The following KDM2A variants were observed in gnomAD, a reference collection of about 807,000 sequenced individuals.
The protein encoded by KDM2A is lysine demethylase 2A, also known as lysine-specific demethylase 2A.
KDM2A carries 3 observed loss-of-function variants against 137.3 expected under a neutral mutation model. The ratio of observed to expected loss-of-function variants is 0.02; its 90% confidence interval spans 0.01 to 0.06. KDM2A has a LOEUF of 0.06. Among genes scored for constraint, KDM2A ranks in the 10% least tolerant of loss-of-function variants. The pLI is 1.00. For synonymous variants in KDM2A, 512 were observed against 541.5 expected, an observed-to-expected ratio of 0.95 and a Z score of 0.76; for missense variants, 738 against 1,510.6, an observed-to-expected ratio of 0.49 and a Z score of 8.48.
chr11:67,210,767 A>G (rs1037146521), intron 6 of KDM2A, among the ~76,000 whole-genome samples: 1 of 152,216 alleles, frequency 6.6e-6, no homozygotes, highest in South Asian at 2.1e-4. Context: ...TTGATAGAAT[A>G]AGATAGAAGA....
intron 5 of KDM2A, among the ~76,000 whole-genome samples, chr11:67,206,943 C>T (rs1857823320): frequency 6.6e-6 from 1 of 152,116 alleles, no homozygotes; most frequent in South Asian, 2.1e-4. Flanking sequence ...GGACTTTGTT[C>T]TTCATGAACT....
intron 5 of KDM2A, among the ~76,000 whole-genome samples, chr11:67,195,253 C>T (rs906745731): frequency 1.3e-5 from 2 of 150,840 alleles, no homozygotes; most frequent in Non-Finnish European, 2.9e-5. Flanking sequence ...CCTATAGTCC[C>T]AGCTACCCGA....
At chr11:67,199,343 A>C (rs1857562184) in intron 5 of KDM2A, among the ~76,000 whole-genome samples, 1 of 152,218 alleles carries the variant, frequency 6.6e-6, no homozygotes, top group Non-Finnish European at 1.5e-5. Flanking sequence ...AAAGTTAGAA[A>C]TGATTAAGTT....
intron 2 of KDM2A, among the ~76,000 whole-genome samples, chr11:67,153,801 G>C (rs1856451501): frequency 6.8e-6 from 1 of 146,092 alleles, no homozygotes; most frequent in Non-Finnish European, 1.5e-5. Flanking sequence ...GAGTAACAGT[G>C]AGACCCTGTC....
rs1859164437 is a variant in KDM2A at position 67,245,072 on chromosome 11, G to A, written c.1564-117G>A. 2.9e-6 allele frequency: 3 copies of A among 1,048,880 alleles called. No homozygotes were observed. Among genetic ancestry groups the A allele is most frequent in the Non-Finnish European group, 4.2e-6 (3 of 715,370 alleles). 65.0% of individuals were successfully genotyped at this position (1,048,880 alleles called of 1,614,324 possible). On this transcript the variant is annotated intron_variant, in intron 13 of 20. Coordinates refer to ENST00000529006, the MANE Select transcript of KDM2A (RefSeq NM_012308.3). The surrounding 1 kb of genome is among the most constrained non-coding windows in gnomAD (Gnocchi z 4.1). Reference sequence around the variant, plus strand: ...AAATTTATTCTAGAAACAAGCAGTGGGCAGATCTGGCCATAGTGGGCCAAG... The same window carrying A: ...AAATTTATTCTAGAAACAAGCAGTGAGCAGATCTGGCCATAGTGGGCCAAG...
At chr11:67,137,792 G>A (rs990963986) in intron 2 of KDM2A, among the ~76,000 whole-genome samples, 1 of 152,070 alleles carries the variant, frequency 6.6e-6, no homozygotes, top group Non-Finnish European at 1.5e-5. Flanking sequence ...AGGACTTACT[G>A]GCATATGATT....
chr11:67,256,437 C>T lies in KDM2A; in HGVS notation c.*1382C>T, dbSNP rs926087853. 1 of 152,572 alleles carries T rather than the reference C, an allele frequency of 6.6e-6. No homozygotes were observed. The highest frequency in any genetic ancestry group is 2.1e-4 in the South Asian group (1 of 4,830). 9.5% of individuals were successfully genotyped at this position (152,572 alleles called of 1,614,324 possible). ...TGAGGAGATGCTCAGTAGCAGCAGCCTATGGCAAGAGCTTATAAATGATTG... is the reference window on the plus strand; with the variant it reads ...TGAGGAGATGCTCAGTAGCAGCAGCTTATGGCAAGAGCTTATAAATGATTG... On this transcript the variant is annotated 3_prime_UTR_variant, in exon 21 of 21. Coordinates refer to ENST00000529006, the MANE Select transcript of KDM2A (RefSeq NM_012308.3).
intron 2 of KDM2A, among the ~76,000 whole-genome samples, chr11:67,178,039 GC>G (rs1196886169): frequency 1.3e-5 from 2 of 152,298 alleles, no homozygotes; most frequent in East Asian, 3.9e-4. Flanking sequence ...AGGTAAACTT[GC>G]AGTATAAGCA....
At chr11:67,142,278 C>T (rs1270300268) in intron 2 of KDM2A, among the ~76,000 whole-genome samples, 2 of 151,612 alleles carry the variant, frequency 1.3e-5, no homozygotes, top group African/African-American at 4.8e-5. Context: ...CTCAGGTGAT[C>T]CACCCGCCTT....
At chr11:67,194,114 C>T (rs1857424496) in intron 5 of KDM2A, among the ~76,000 whole-genome samples, 1 of 152,192 alleles carries the variant, frequency 6.6e-6, no homozygotes, top group Non-Finnish European at 1.5e-5. Context: ...ATTATTTCAG[C>T]AATTTTAGCA....
intron 5 of KDM2A, among the ~76,000 whole-genome samples, chr11:67,200,863 C>G (rs1387963994): frequency 6.6e-6 from 1 of 151,962 alleles, no homozygotes; most frequent in Non-Finnish European, 1.5e-5. Context: ...GCCCATGGAT[C>G]AAGGAGTAAT....
chr11:67,162,246 C>A (rs997010989), intron 2 of KDM2A, among the ~76,000 whole-genome samples: 4 of 152,058 alleles, frequency 2.6e-5, no homozygotes, highest in Non-Finnish European at 5.9e-5. Flanking sequence ...CTTCTTACAT[C>A]CCAATAATAC....
rs765021586 is a variant in KDM2A, at chr11:67,245,944, C to G, written c.1834-41C>G. The G allele has an allele frequency of 3.1e-6, 5 of 1,609,122 alleles. No homozygotes were observed. Among genetic ancestry groups the G allele is most frequent in the Non-Finnish European group, 4.3e-6 (5 of 1,176,416 alleles). On this transcript the variant is annotated intron_variant, in intron 14 of 20. Coordinates refer to ENST00000529006, the MANE Select transcript of KDM2A (RefSeq NM_012308.3). The surrounding 1 kb of genome is among the most constrained non-coding windows in gnomAD (Gnocchi z 4.1). The stretch of plus-strand genomic sequence containing the variant: ...TAAGGGAAACTGAAATGATAAAGAT[C>G]TGAGTCAGTTCTCTTGGATTCTATC...
chr11:67,132,690 C>T (rs1418748637), intron 2 of KDM2A, among the ~76,000 whole-genome samples: 1 of 152,174 alleles, frequency 6.6e-6, no homozygotes, highest in Non-Finnish European at 1.5e-5. Context: ...AATAGCTTGC[C>T]TTTTGAGGTG....
chr11:67,123,178 G>A (rs1229358874), intron 2 of KDM2A, among the ~76,000 whole-genome samples: 7 of 148,156 alleles, frequency 4.7e-5, no homozygotes, highest in African/African-American at 1.7e-4. Flanking sequence ...GTCTTGCTAT[G>A]TTGCCCACCC....
At chr11:67,210,778 C>T (rs1185564152) in intron 6 of KDM2A, among the ~76,000 whole-genome samples, 1 of 152,076 alleles carries the variant, frequency 6.6e-6, no homozygotes, top group East Asian at 1.9e-4. Flanking sequence ...AGATAGAAGA[C>T]TTCATGTGGA....
chr11:67,122,421 G>A (rs1045075054), intron 2 of KDM2A, among the ~76,000 whole-genome samples: 2 of 152,020 alleles, frequency 1.3e-5, no homozygotes, highest in African/African-American at 4.8e-5. Context: ...CCACCTCCTG[G>A]GTTCAAGTGA....
chr11:67,254,726 G>C lies in KDM2A; in HGVS notation c.3308-148G>C, dbSNP rs1859546142. The C allele has an allele frequency of 1.4e-6, 1 of 729,282 alleles. No homozygotes were observed. The highest frequency in any genetic ancestry group is 1.8e-5 in the African/African-American group (1 of 56,456). 45.2% of individuals were successfully genotyped at this position (729,282 alleles called of 1,614,324 possible). ...GCAGCAGGGTCCCTTTGGAGGTGCT[G>C]ATGGCACTTCTGGTCTCTGAGCCAG... On this transcript the variant is annotated intron_variant, in intron 20 of 20. Transcript: ENST00000529006. This position sits in a 1 kb window ranked among gnomAD's most constrained non-coding sequence, Gnocchi z 4.7.
intron 5 of KDM2A, among the ~76,000 whole-genome samples, chr11:67,200,796 C>T (rs897861530): frequency 6.6e-6 from 1 of 152,174 alleles, no homozygotes; most frequent in Non-Finnish European, 1.5e-5. Flanking sequence ...CATGAGCTAC[C>T]ATGCCTTGCC....
Sources: gnomAD v4.1 joint callset for allele counts (sites outside exome capture counted in the v4.1 genomes callset) on GRCh38, gnomAD v4.1.1 for gene constraint, Gnocchi (gnomAD v3.1) non-coding constraint, MANE v1.5 for transcripts, NCBI Gene and HGNC (gene_info 2026-07-23, HGNC 2026-07-21) for gene names.